Variants in SLIT2 observed in about 807,000 individuals in gnomAD.
SLIT2 encodes the protein slit homolog 2 protein.
Under a neutral mutation model 185.7 loss-of-function variants are expected in SLIT2, and 41 were observed. The ratio of observed to expected loss-of-function variants is 0.22; its 90% CI spans 0.17 to 0.29. SLIT2 has a LOEUF of 0.29. SLIT2 is among the 10% of genes least tolerant of loss of function. SLIT2 has a pLI of 1.00. For missense variants in SLIT2, 1,571 were observed against 1,909.0 expected (o/e 0.82, Z 3.30); for synonymous variants, 693 against 680.2 (o/e 1.02, Z -0.29).
intron 3 of SLIT2, among the ~76,000 whole-genome samples, chr4:20,264,777 T>C (rs1050366082): frequency 6.6e-6 from 1 of 151,924 alleles, no homozygotes; most frequent in Non-Finnish European, 1.5e-5. Flanking sequence ...TGGAATCCTT[T>C]CTCATCTTTG....
chr4:20,497,943 G>A (rs1425726848), intron 9 of SLIT2, among the ~76,000 whole-genome samples: 1 of 151,642 alleles, frequency 6.6e-6, no homozygotes, highest in Admixed American at 6.6e-5. Flanking sequence ...AGAGGCCGAG[G>A]CGGGCAGATC....
At chr4:20,504,114 G>A (rs1434732860) in intron 9 of SLIT2, among the ~76,000 whole-genome samples, 1 of 152,104 alleles carries the variant, frequency 6.6e-6, no homozygotes, top group Non-Finnish European at 1.5e-5. Context: ...TCCAAAAATA[G>A]AAAGTACTTA....
At chr4:20,463,513 ATATG>A (rs1331259728) in intron 4 of SLIT2, among the ~76,000 whole-genome samples, 13 of 99,590 alleles carry the variant, frequency 1.3e-4, no homozygotes, top group South Asian at 3.7e-4. Flanking sequence ...GTATATCCAT[ATATG>A]TGTGTGTGTG....
At chr4:20,319,957 C>T (rs1193202814) in intron 4 of SLIT2, among the ~76,000 whole-genome samples, 2 of 152,104 alleles carry the variant, frequency 1.3e-5, no homozygotes, top group East Asian at 1.9e-4. Flanking sequence ...CAGCAGATCT[C>T]CGACGCCCGT....
chr4:20,326,746 CTTT>C (rs59509608), intron 4 of SLIT2, among the ~76,000 whole-genome samples: 9 of 54,726 alleles, frequency 1.6e-4, no homozygotes, highest in African/African-American at 6.7e-4. Flanking sequence ...ATTCTGAAAC[CTTT>C]TTTTTTTTTT....
At chr4:20,470,322 G>A (rs1286623342) in intron 5 of SLIT2, among the ~76,000 whole-genome samples, 2 of 151,924 alleles carry the variant, frequency 1.3e-5, no homozygotes, top group African/African-American at 4.8e-5. Flanking sequence ...GTTACAAAAT[G>A]GAAAAAGAAA....
At chr4:20,353,160 T>C (rs1211228995) in intron 4 of SLIT2, among the ~76,000 whole-genome samples, 3 of 152,172 alleles carry the variant, frequency 2.0e-5, no homozygotes, top group African/African-American at 7.2e-5. Flanking sequence ...TTGATTCAGA[T>C]TGTGTGTGCA....
chr4:20,348,719 A>C (rs911371140), intron 4 of SLIT2, among the ~76,000 whole-genome samples: 2 of 152,174 alleles, frequency 1.3e-5, no homozygotes, highest in African/African-American at 4.8e-5. Flanking sequence ...GTGCTCTGTC[A>C]TTAAGAGTTC....
chr4:20,514,718 T>C (rs6447967), intron 11 of SLIT2, among the ~76,000 whole-genome samples: 21,810 of 147,026 alleles, frequency 0.15, 1,727 homozygotes, highest in East Asian at 0.26. Context: ...GTGGACTTGA[T>C]TTACCTAATG....
intron 4 of SLIT2, among the ~76,000 whole-genome samples, chr4:20,272,805 A>AT (rs1234740874): frequency 6.6e-6 from 1 of 152,002 alleles, no homozygotes; most frequent in African/African-American, 2.4e-5. Context: ...CCAGGGACTC[A>AT]TTTTCTCTAC....
chr4:20,458,680 G>A (rs1478650014), intron 4 of SLIT2, among the ~76,000 whole-genome samples: 1 of 152,136 alleles, frequency 6.6e-6, no homozygotes, highest in Non-Finnish European at 1.5e-5. Context: ...CTTACCTCCT[G>A]TAAGAAGCAG....
chr4:20,614,597 G>A (rs1437836004), intron 34 of SLIT2, among the ~76,000 whole-genome samples: 1 of 151,644 alleles, frequency 6.6e-6, no homozygotes, highest in Non-Finnish European at 1.5e-5. Flanking sequence ...GACCAATATG[G>A]AGAAACCTGG....
chr4:20,434,368 C>T (rs1729206737), intron 4 of SLIT2, among the ~76,000 whole-genome samples: 1 of 152,130 alleles, frequency 6.6e-6, no homozygotes, highest in Non-Finnish European at 1.5e-5. Context: ...TGCCTGTAAT[C>T]CCAGCTACTC....
chr4:20,472,386 G>GATATCTATATCTATATATA (rs1560453735), intron 5 of SLIT2, among the ~76,000 whole-genome samples: 1 of 38,394 alleles, frequency 2.6e-5, no homozygotes, highest in Admixed American at 6.1e-4. Context: ...CTATATATAT[G>GATATCTATATCTATATATA]TAGATATATA....
chr4:20,587,327 A>G (rs911563891), intron 29 of SLIT2, among the ~76,000 whole-genome samples: 3 of 152,250 alleles, frequency 2.0e-5, no homozygotes, highest in East Asian at 1.9e-4. Flanking sequence ...CAAAAATCAA[A>G]TCATTTTTGA....
At chr4:20,512,362 G>A (rs1176973196) in intron 11 of SLIT2, among the ~76,000 whole-genome samples, 1 of 152,100 alleles carries the variant, frequency 6.6e-6, no homozygotes, top group Non-Finnish European at 1.5e-5. Flanking sequence ...ATGTTAGTCT[G>A]TTTAAAAACA....
rs191141830 is a variant in SLIT2 at position 20,610,263 on chromosome 4, G to A, written c.3847+96G>A. 2,732 of 1,080,888 alleles carry A rather than the reference G, an allele frequency of 2.5e-3. 5 individuals are homozygous for A. The highest frequency in any genetic ancestry group is 3.2e-3 in the Non-Finnish European group (2,432 of 755,492). 67.0% of individuals were successfully genotyped at this position (1,080,888 alleles called of 1,614,324 possible). Reference sequence around the variant, plus strand: ...GTTAATGCCTAATATATCAGGATTTGTCATTGACCAATAGTGATCAATCAT... The same window carrying A: ...GTTAATGCCTAATATATCAGGATTTATCATTGACCAATAGTGATCAATCAT... On this transcript the variant is annotated intron_variant, in intron 34 of 36. Coordinates refer to ENST00000504154, the MANE Select transcript of SLIT2 (RefSeq NM_004787.4).
At chr4:20,604,664 T>A (rs1242180627) in intron 33 of SLIT2, among the ~76,000 whole-genome samples, 1 of 151,832 alleles carries the variant, frequency 6.6e-6, no homozygotes, top group Non-Finnish European at 1.5e-5. Context: ...ATATCTTTAA[T>A]CTCATTTGGC....
rs562213729 is a variant in SLIT2, at chr4:20,597,319, C to T, written c.3561+664C>T. On this transcript the variant is annotated intron_variant, in intron 32 of 36. Coordinates refer to ENST00000504154, the MANE Select transcript of SLIT2 (RefSeq NM_004787.4). ...CTAACCTCATGTGATCTACCCACTT[C>T]GGCCTCCCAAAGTGCTGGGATTACA... Among the ~76,000 whole-genome samples, 6 of 152,178 alleles carry T rather than the reference C, an allele frequency of 3.9e-5. No individual in the cohort carries two copies. In the South Asian group the frequency reaches 1.2e-3, roughly 32 times the overall value.
Sources: gnomAD v4.1 joint callset for allele counts (sites outside exome capture counted in the v4.1 genomes callset) on GRCh38, gnomAD v4.1.1 for gene constraint, MANE v1.5 for transcripts, NCBI Gene and HGNC (gene_info 2026-07-23, HGNC 2026-07-21) for gene names.